Variants in COG8 observed in about 807,000 individuals in gnomAD.
COG8 encodes conserved oligomeric Golgi complex subunit 8.
COG8 carries 45 observed loss-of-function variants against 46.5 expected under a neutral mutation model. The observed-to-expected ratio is 0.97, with a 90% confidence interval of 0.76 to 1.24. The LOEUF (loss-of-function observed/expected upper bound fraction) is 1.24, where lower values mean the gene tolerates loss of function less well. COG8 is among the 50% of genes most tolerant of loss of function. The probability of loss-of-function intolerance (pLI) is 0.00; values close to 1 mark genes in which losing one functional copy is unlikely to be tolerated. For synonymous variants in COG8, 407 were observed against 347.8 expected (o/e 1.17, Z -1.90); for missense variants, 793 against 820.8 (o/e 0.97, Z 0.41).
rs563628340 is a variant in COG8 at position 69,329,076 on chromosome 16, G to T, written c.*130C>A. The stretch of plus-strand genomic sequence containing the variant: ...TTGTGAACGTCCTGCTGTCCATTTT[G>T]TCAATAAACAGGCAGCCCTGCAGGT... On this transcript the variant is annotated 3_prime_UTR_variant, in exon 6 of 6. Coordinates refer to ENST00000306875, the MANE Select transcript of COG8 (RefSeq NM_032382.5). 6.2e-7 allele frequency: 1 copy of T among 1,612,052 alleles called. No individual in the cohort carries two copies. Among genetic ancestry groups the T allele is most frequent in the South Asian group, 1.1e-5 (1 of 90,802 alleles).
chr16:69,328,358 G>A lies in COG8; in HGVS notation c.*848C>T, dbSNP rs1396702487. The stretch of plus-strand genomic sequence containing the variant: ...TCTATGCCCAATTGTTAACAGGAAA[G>A]GGCTCAGTGCACTTCTCAATTGTCA... On this transcript the variant is annotated 3_prime_UTR_variant, in exon 6 of 6. Transcript: ENST00000306875. 1 of 152,212 alleles carries A rather than the reference G, an allele frequency of 6.6e-6. No homozygotes were observed. The highest frequency in any genetic ancestry group is 6.5e-5 in the Admixed American group (1 of 15,272). 9.4% of individuals were successfully genotyped at this position (152,212 alleles called of 1,614,324 possible). A position where few individuals can be genotyped will look rare whatever the true frequency, so the allele number is the denominator to read the frequency against.
intron 5 of COG8, chr16:69,330,016 G>C (rs1419657970): frequency 6.5e-7 from 1 of 1,540,460 alleles, no homozygotes; most frequent in Admixed American, 2.0e-5. Context: ...GCACCGCCTG[G>C]AAGCGGGGCA....
intron 5 of COG8, chr16:69,330,342 C>T (rs964786504): frequency 1.4e-6 from 2 of 1,461,352 alleles, no homozygotes; most frequent in Non-Finnish European, 1.8e-6. Context: ...GCCGCCACGC[C>T]GCGCAGCACC....
intron 5 of COG8, 87 bp downstream of exon 5, chr16:69,330,726 C>G: frequency 7.1e-7 from 1 of 1,418,168 alleles, no homozygotes; most frequent in South Asian, 1.5e-5. Context: ...GCTCTCCTCC[C>G]GGGAGCGCCT....
At chr16:69,337,383 C>T (rs908408988) in intron 1 of COG8, among the ~76,000 whole-genome samples, 10 of 151,652 alleles carry the variant, frequency 6.6e-5, no homozygotes, top group South Asian at 2.1e-4. Context: ...TGAAACAGAG[C>T]GAATGCGTCA....
chr16:69,330,307 G>C (rs1432442459), intron 5 of COG8: 5 of 1,436,172 alleles, frequency 3.5e-6, no homozygotes, highest in Non-Finnish European at 4.5e-6. Context: ...GCTCGGGCCC[G>C]CCTAGCTGCG....
rs776308927 is a variant in COG8, at chr16:69,329,034, C to T, written c.*172G>A. ...CAGTAGCAAAGCTTTAGTCATTCAC[C>T]TTCATCCAATAGACGTTTGTGAACG... On this transcript the variant is annotated 3_prime_UTR_variant, in exon 6 of 6. Coordinates refer to ENST00000306875, the MANE Select transcript of COG8 (RefSeq NM_032382.5). 1.2e-6 allele frequency: 2 copies of T among 1,609,364 alleles called. No homozygotes were observed. Among genetic ancestry groups the T allele is most frequent in the Non-Finnish European group, 1.7e-6 (2 of 1,178,728 alleles).
Position 69,327,547 on chromosome 16 carries a change from AAAG to A in COG8, c.*1656_*1658del. ...CTCATGGGGCCTCAGAGAAAGCCAC[AAAG>A]GAGGATGGGTCTTTCCTGGGTTCAT... On this transcript the variant is annotated 3_prime_UTR_variant, in exon 6 of 6. Coordinates refer to ENST00000306875, the MANE Select transcript of COG8 (RefSeq NM_032382.5). 6.6e-6 allele frequency: 1 copy of A among 152,152 alleles called. No individual in the cohort carries two copies. Among genetic ancestry groups the A allele is most frequent in the East Asian group, 1.9e-4 (1 of 5,162 alleles). 9.4% of individuals were successfully genotyped at this position (152,152 alleles called of 1,614,324 possible). A position where few individuals can be genotyped will look rare whatever the true frequency, so the allele number is the denominator to read the frequency against.
intron 2 of COG8, 137 bp from the exon 3 acceptor site, chr16:69,335,485 G>A: frequency 1.3e-6 from 1 of 786,098 alleles, no homozygotes; most frequent in Non-Finnish European, 2.2e-6. Context: ...GCTGATGCCT[G>A]TAGGTTCACC....
chr16:69,328,610 C>T lies in COG8; in HGVS notation c.*596G>A, dbSNP rs1480971469. ...CAAGCCCTCCGTAAAAATAAGAACT[C>T]GGCACAAATGGCCAGTCACATGCTT... On this transcript the variant is annotated 3_prime_UTR_variant, in exon 6 of 6. Coordinates refer to ENST00000306875, the MANE Select transcript of COG8 (RefSeq NM_032382.5). 1 of 186,818 alleles carries T rather than the reference C, an allele frequency of 5.4e-6. No individual in the cohort carries two copies. The highest frequency in any genetic ancestry group is 1.1e-5 in the Non-Finnish European group (1 of 90,960). The allele number at this position is 186,818 out of a possible 1,614,324, so 11.6% of individuals were successfully genotyped here.
Position 69,336,615 on chromosome 16 carries a change from G to A in COG8, c.475C>T (p.Pro159Ser). ...HTEILEILEIPQLMDTCVRNS... is the reference protein window; with the variant it reads ...HTEILEILEISQLMDTCVRNS... ...CGGACACAGGTGTCCATGAGCTGAG[G>A]AATCTCCAGTATTTCCAAAATTTCT... The change falls in exon 2 of 6, where the codon CCT becomes TCT. Residue 159 changes from proline (P) to serine (S), a missense_variant. By Grantham distance (74) the Pro-to-Ser change is moderately conservative (BLOSUM62 -1). Coordinates refer to ENST00000306875, the MANE Select transcript of COG8 (RefSeq NM_032382.5). 6.2e-7 allele frequency: 1 copy of A among 1,614,174 alleles called. No individual in the cohort carries two copies. The highest frequency in any genetic ancestry group is 8.5e-7 in the Non-Finnish European group (1 of 1,180,038).
At position 69,335,645 on chromosome 16, in the gene COG8, G is replaced by A. The variant is rs186264872; in HGVS notation, c.586-297C>T. Among the ~76,000 whole-genome samples, 27 of 152,034 alleles carry A rather than the reference G, an allele frequency of 1.8e-4. No homozygotes were observed. The East Asian group carries it at 4.8e-3, about 27-fold the overall frequency. On this transcript the variant is annotated intron_variant, in intron 2 of 5. Transcript: ENST00000306875. Reference sequence around the variant, plus strand: ...CAATCTGGCCAACATGTGAAACCTCGTCTCTACTAAAAATATAAAAATCAG... The same window carrying A: ...CAATCTGGCCAACATGTGAAACCTCATCTCTACTAAAAATATAAAAATCAG...
intron 3 of COG8, among the ~76,000 whole-genome samples, chr16:69,333,489 C>T (rs2012017266): frequency 6.6e-6 from 1 of 152,168 alleles, no homozygotes; most frequent in Non-Finnish European, 1.5e-5. Context: ...TCTTAACTTC[C>T]ACGGAGGACC....
chr16:69,330,068 A>G (rs918993779), intron 5 of COG8: 4 of 1,562,498 alleles, frequency 2.6e-6, no homozygotes, highest in South Asian at 1.2e-5. Context: ...GCCCTCGGGA[A>G]AGGTGACCAG....
chr16:69,328,935 A>C lies in COG8; in HGVS notation c.*271T>G. On this transcript the variant is annotated 3_prime_UTR_variant, in exon 6 of 6. Coordinates refer to ENST00000306875, the MANE Select transcript of COG8 (RefSeq NM_032382.5). ...GTTTCCTGTCATATGCGAGCCATCC[A>C]AGTTGATGCCAAGTAAGATTTGCCC... 6.5e-7 allele frequency: 1 copy of C among 1,528,112 alleles called. No individual in the cohort carries two copies. Among genetic ancestry groups the C allele is most frequent in the Non-Finnish European group, 8.8e-7 (1 of 1,142,426 alleles). The allele number at this position is 1,528,112 out of a possible 1,614,324, so 94.7% of individuals were successfully genotyped here.
chr16:69,330,753 C>CA, intron 5 of COG8, 60 bp downstream of exon 5: 1 of 1,442,160 alleles, frequency 6.9e-7, no homozygotes, highest in East Asian at 2.5e-5. Flanking sequence ...CTCCCGAACC[C>CA]GCCCCGGACC....
At chr16:69,330,146 A>AGCGCGCGCTGGCGGG in intron 5 of COG8, 1 of 1,553,962 alleles carries the variant, frequency 6.4e-7, no homozygotes, top group Non-Finnish European at 8.7e-7. Context: ...CATTTGGCGG[A>AGCGCGCGCTGGCGGG]GCGCGCGCTG....
intron 1 of COG8, among the ~76,000 whole-genome samples, chr16:69,337,530 T>C (rs541243031): frequency 3.9e-5 from 6 of 152,224 alleles, no homozygotes; most frequent in Non-Finnish European, 7.3e-5. Context: ...TGTTCAACCA[T>C]AGTTCCTGCC....
rs972926579 is a variant in COG8 at position 69,339,354 on chromosome 16, G to T, written c.199C>A (p.Arg67Ser). The stretch of plus-strand genomic sequence containing the variant: ...AGCTGCGCCCGCTCCTCCGCCAGGC[G>T]CTCGGGCTCGCGCCGCAGCCGCTCC... Reference protein sequence around the residue: ...GLERLRREPERLAEERAQLLQ... With the variant: ...GLERLRREPESLAEERAQLLQ... Residue 67 changes from arginine (R) to serine (S), a missense_variant, in exon 1 of 6, where the codon CGC becomes AGC. By Grantham distance (110) the Arg-to-Ser change is moderately radical. Transcript: ENST00000306875. 6.3e-7 allele frequency: 1 copy of T among 1,588,744 alleles called. No homozygotes were observed. The highest frequency in any genetic ancestry group is 8.5e-7 in the Non-Finnish European group (1 of 1,171,418).
Sources: gnomAD v4.1 joint callset for allele counts (sites outside exome capture counted in the v4.1 genomes callset) on GRCh38, gnomAD v4.1.1 for gene constraint, MANE v1.5 for transcripts, NCBI Gene and HGNC (gene_info 2026-07-23, HGNC 2026-07-21) for gene names.